Variants in FOXO1 observed in about 807,000 individuals in gnomAD.
FOXO1 encodes the protein forkhead box protein O1.
In FOXO1, 6 loss-of-function variants were observed where a neutral mutation model predicts 44.1. The observed-to-expected ratio is 0.14, with a 90% CI of 0.07 to 0.27. The LOEUF (loss-of-function observed/expected upper bound fraction) is 0.27. Ranked by LOEUF, FOXO1 falls within the 10% of genes least tolerant of loss-of-function variation. The pLI is 1.00. For synonymous variants in FOXO1, 380 were observed against 362.7 expected (o/e 1.05, Z -0.54); for missense variants, 737 against 888.8 (o/e 0.83, Z 2.17).
chr13:40,626,765 A>C (rs1002836464), intron 1 of FOXO1, among the ~76,000 whole-genome samples: 1 of 152,222 alleles, frequency 6.6e-6, no homozygotes, highest in Non-Finnish European at 1.5e-5. Context: ...TCCATCAGAC[A>C]CTGCCCCGAT....
At chr13:40,564,469 C>T (rs1874181957) in intron 1 of FOXO1, among the ~76,000 whole-genome samples, 2 of 152,108 alleles carry the variant, frequency 1.3e-5, no homozygotes, top group South Asian at 4.1e-4. Context: ...CTGTTTTTCA[C>T]ACAGCCAGCG....
intron 1 of FOXO1, among the ~76,000 whole-genome samples, chr13:40,659,327 A>AAAAAG (rs1295939329): frequency 4.6e-5 from 7 of 151,130 alleles, no homozygotes; most frequent in African/African-American, 1.2e-4. Flanking sequence ...AAAAAAAAAA[A>AAAAAG]AAAAGAAAAG....
chr13:40,583,788 C>T (rs763690015), intron 1 of FOXO1, among the ~76,000 whole-genome samples: 1 of 152,172 alleles, frequency 6.6e-6, no homozygotes, highest in Non-Finnish European at 1.5e-5. Context: ...GGCTGTTTTG[C>T]TTTCTTATAA....
At chr13:40,644,676 A>G (rs976612731) in intron 1 of FOXO1, among the ~76,000 whole-genome samples, 5 of 152,144 alleles carry the variant, frequency 3.3e-5, no homozygotes, top group Non-Finnish European at 7.4e-5. Flanking sequence ...TCAAACCTCT[A>G]AACTCTCAAC....
chr13:40,560,955 T>G lies in FOXO1; in HGVS notation c.631-95A>C. 1 of 1,268,768 alleles carries G rather than the reference T, an allele frequency of 7.9e-7. No homozygotes were observed. The highest frequency in any genetic ancestry group is 2.1e-4 in the Middle Eastern group (1 of 4,796). 78.6% of individuals were successfully genotyped at this position (1,268,768 alleles called of 1,614,324 possible). A position where few individuals can be genotyped will look rare whatever the true frequency, so the allele number is the denominator to read the frequency against. On this transcript the variant is annotated intron_variant, in intron 1 of 2. Coordinates refer to ENST00000379561, the MANE Select transcript of FOXO1 (RefSeq NM_002015.4). The surrounding 1 kb of genome is among the most constrained non-coding windows in gnomAD (Gnocchi z 5.1). ...TTACATGGAAAACAAGTAAAAAATC[T>G]TAAGAGTGTGTGCTACAGATTTCCA...
intron 1 of FOXO1, among the ~76,000 whole-genome samples, chr13:40,561,071 G>A (rs1287836530): frequency 3.9e-5 from 6 of 152,246 alleles, no homozygotes; most frequent in Non-Finnish European, 4.4e-5. Context: ...CAATATCTGT[G>A]GCTGGGTGCG....
At chr13:40,580,685 C>T (rs1431561834) in intron 1 of FOXO1, among the ~76,000 whole-genome samples, 1 of 152,206 alleles carries the variant, frequency 6.6e-6, no homozygotes, top group African/African-American at 2.4e-5. Context: ...TGTCACCTCC[C>T]TGCACACATT....
chr13:40,566,942 G>A (rs1874292814), intron 1 of FOXO1, among the ~76,000 whole-genome samples: 1 of 152,032 alleles, frequency 6.6e-6, no homozygotes, highest in Admixed American at 6.6e-5. Flanking sequence ...CCTCAAGACT[G>A]GGTTGAAAAA....
intron 1 of FOXO1, among the ~76,000 whole-genome samples, chr13:40,568,655 T>C (rs1173476623): frequency 6.6e-6 from 1 of 152,200 alleles, no homozygotes; most frequent in Admixed American, 6.5e-5. Context: ...ATAGCTAATC[T>C]ACATGCTTAC....
At chr13:40,571,568 C>G (rs1874504245) in intron 1 of FOXO1, among the ~76,000 whole-genome samples, 1 of 152,124 alleles carries the variant, frequency 6.6e-6, no homozygotes, top group Non-Finnish European at 1.5e-5. Context: ...ACAACTCCCC[C>G]ATCTTGCCCA....
chr13:40,562,915 C>T (rs1230422542), intron 1 of FOXO1, among the ~76,000 whole-genome samples: 1 of 152,334 alleles, frequency 6.6e-6, no homozygotes. Context: ...CTTCTGGCCC[C>T]CAGCACAGTA....
intron 1 of FOXO1, among the ~76,000 whole-genome samples, chr13:40,606,270 C>A (rs953953477): frequency 2.6e-5 from 4 of 152,096 alleles, no homozygotes; most frequent in Admixed American, 6.5e-5. Flanking sequence ...ACTTCAGGGA[C>A]CAGCAACATG....
chr13:40,658,563 C>A (rs1009582779), intron 1 of FOXO1, among the ~76,000 whole-genome samples: 4 of 151,930 alleles, frequency 2.6e-5, no homozygotes, highest in African/African-American at 9.7e-5. Flanking sequence ...TAAGAAAATA[C>A]CAGAGAAAAA....
chr13:40,625,027 G>GT (rs1361985142), intron 1 of FOXO1, among the ~76,000 whole-genome samples: 14 of 152,320 alleles, frequency 9.2e-5, no homozygotes, highest in South Asian at 4.1e-4. Context: ...TTGGATAAAT[G>GT]TAAGTCAGTA....
intron 1 of FOXO1, chr13:40,620,643 G>A (rs1876577285): frequency 4.9e-6 from 2 of 411,966 alleles, no homozygotes; most frequent in South Asian, 3.9e-5. Flanking sequence ...GCCAGCACAG[G>A]GAACGGGACA....
intron 1 of FOXO1, among the ~76,000 whole-genome samples, chr13:40,566,033 T>C (rs1158681866): frequency 6.6e-6 from 1 of 152,188 alleles, no homozygotes; most frequent in African/African-American, 2.4e-5. Flanking sequence ...GGTCAGCCAA[T>C]GTCACTAGAA....
intron 1 of FOXO1, among the ~76,000 whole-genome samples, chr13:40,610,136 C>T (rs974521384): frequency 6.6e-6 from 1 of 152,164 alleles, no homozygotes; most frequent in African/African-American, 2.4e-5. Flanking sequence ...GCTGCATCCA[C>T]CTGCCACACC....
intron 1 of FOXO1, among the ~76,000 whole-genome samples, chr13:40,659,018 G>A (rs369231422): frequency 6.8e-6 from 1 of 146,502 alleles, no homozygotes; most frequent in South Asian, 2.2e-4. Flanking sequence ...TCTCAAAAAA[G>A]AAAAAGAAAA....
At position 40,557,427 on chromosome 13, in the gene FOXO1, G is replaced by A. The variant is rs1455576060; in HGVS notation, c.*1622C>T. 6.6e-6 allele frequency: 1 copy of A among 152,202 alleles called. No homozygotes were observed. 9.4% of individuals were successfully genotyped at this position (152,202 alleles called of 1,614,324 possible). On this transcript the variant is annotated 3_prime_UTR_variant, in exon 3 of 3. Coordinates refer to ENST00000379561, the MANE Select transcript of FOXO1 (RefSeq NM_002015.4). ...AGAAATTTTCAAATTCTTAAGCCAA[G>A]GCTTTTAACATAATCTCAATGCACA... is the stretch of plus-strand genomic sequence containing the variant.
Sources: allele counts gnomAD v4.1 joint callset (sites outside exome capture counted in the v4.1 genomes callset), GRCh38; gene constraint gnomAD v4.1.1; non-coding constraint Gnocchi (gnomAD v3.1); transcripts MANE v1.5; gene names NCBI Gene and HGNC (gene_info 2026-07-23, HGNC 2026-07-21).